Variants in AFG2B observed in about 807,000 individuals in gnomAD.
AFG2B encodes ATPase family gene 2 protein homolog B.
chr15:45,408,974 T>C, the AFG2B span, among the ~76,000 whole-genome samples: 2 of 152,326 alleles, frequency 1.3e-5, no homozygotes, highest in East Asian at 3.9e-4. Flanking sequence ...AGACGGGCGA[T>C]TTTTTTAATT....
chr15:45,410,146 CAT>C, the AFG2B span, among the ~76,000 whole-genome samples: 53 of 152,148 alleles, frequency 3.5e-4, no homozygotes, highest in African/African-American at 1.3e-3. Flanking sequence ...ACTAGCATAA[CAT>C]ACTGGAAAAA....
At chr15:45,407,288 C>A in the AFG2B span, 1 of 1,130,888 alleles carries the variant, frequency 8.8e-7, no homozygotes, top group Non-Finnish European at 1.1e-6. Context: ...TCTCCCTGTA[C>A]CAGGGCAGAT....
the AFG2B span, among the ~76,000 whole-genome samples, chr15:45,410,895 A>T: frequency 1.3e-5 from 2 of 151,468 alleles, no homozygotes; most frequent in Admixed American, 1.3e-4. Context: ...GTCGCTATTT[A>T]AAAAAAAATA....
the AFG2B span, among the ~76,000 whole-genome samples, chr15:45,419,662 A>G: frequency 6.6e-6 from 1 of 152,100 alleles, no homozygotes; most frequent in Non-Finnish European, 1.5e-5. Flanking sequence ...AGAACATTAT[A>G]AACACCCCAG....
At chr15:45,411,089 C>A in the AFG2B span, among the ~76,000 whole-genome samples, 1 of 152,030 alleles carries the variant, frequency 6.6e-6, no homozygotes, top group African/African-American at 2.4e-5. Flanking sequence ...ATAATCCCAG[C>A]TACTCGGAAG....
chr15:45,412,848 C>G, the AFG2B span, among the ~76,000 whole-genome samples: 1 of 152,154 alleles, frequency 6.6e-6, no homozygotes, highest in Non-Finnish European at 1.5e-5. Flanking sequence ...GATCCTCTCA[C>G]CTGCGTTACA....
the AFG2B span, chr15:45,417,426 T>A: frequency 6.2e-7 from 1 of 1,610,936 alleles, no homozygotes; most frequent in Middle Eastern, 1.7e-4. Context: ...TTACTCTGTG[T>A]GAGCTCAGCA....
At chr15:45,407,106 A>G in the AFG2B span, 3 of 1,289,172 alleles carry the variant, frequency 2.3e-6, no homozygotes, top group Non-Finnish European at 3.0e-6. Flanking sequence ...GCCCACTGCT[A>G]CTTCAGGAGG....
the AFG2B span, chr15:45,403,589 C>T: frequency 1.3e-6 from 2 of 1,563,702 alleles, no homozygotes; most frequent in Non-Finnish European, 8.6e-7. Context: ...TTGGCTGCCC[C>T]GGAGGCGTTT....
At chr15:45,405,892 G>C in the AFG2B span, among the ~76,000 whole-genome samples, 3 of 151,952 alleles carry the variant, frequency 2.0e-5, no homozygotes, top group African/African-American at 4.8e-5. Context: ...CCTTCTCCTA[G>C]ATTCTCCAAA....
the AFG2B span, chr15:45,414,868 G>GT: frequency 9.0e-7 from 1 of 1,109,522 alleles, no homozygotes; most frequent in South Asian, 1.6e-5. Flanking sequence ...TATTACTAGT[G>GT]TTTTTTCCAG....
At chr15:45,418,343 CAAAAAAAAAA>C in the AFG2B span, among the ~76,000 whole-genome samples, 19 of 52,560 alleles carry the variant, frequency 3.6e-4, no homozygotes, top group African/African-American at 1.2e-3. Context: ...GACTCCATCT[CAAAAAAAAAA>C]AAAAAAAAAA....
the AFG2B span, among the ~76,000 whole-genome samples, chr15:45,408,491 A>G: frequency 1.3e-5 from 2 of 152,166 alleles, no homozygotes; most frequent in Non-Finnish European, 2.9e-5. Context: ...TTTAATGTCT[A>G]TTTCCTAAGA....
At chr15:45,404,447 A>G in the AFG2B span, among the ~76,000 whole-genome samples, 1 of 152,122 alleles carries the variant, frequency 6.6e-6, no homozygotes, top group Non-Finnish European at 1.5e-5. Flanking sequence ...GTATACGTAA[A>G]GTGCACGGTA....
the AFG2B span, chr15:45,414,640 C>T: frequency 6.2e-7 from 1 of 1,614,086 alleles, no homozygotes; most frequent in Admixed American, 1.7e-5. Context: ...AAAGGGAGTT[C>T]TCCTCTATGG....
the AFG2B span, chr15:45,417,072 A>G: frequency 1.6e-5 from 9 of 548,956 alleles, no homozygotes; most frequent in Admixed American, 9.6e-5. Context: ...CCATGCACAC[A>G]AAGTAGCTCT....
the AFG2B span, chr15:45,414,616 G>A: frequency 6.2e-7 from 1 of 1,614,094 alleles, no homozygotes; most frequent in Admixed American, 1.7e-5. Context: ...TGTTAGAATG[G>A]GCCTGACACA....
the AFG2B span, chr15:45,421,132 GT>G: frequency 6.2e-7 from 1 of 1,612,936 alleles, no homozygotes; most frequent in South Asian, 1.1e-5. Flanking sequence ...CTGTAAAACC[GT>G]CGTTAAGTTG....
At chr15:45,419,514 C>T in the AFG2B span, among the ~76,000 whole-genome samples, 2 of 151,712 alleles carry the variant, frequency 1.3e-5, no homozygotes, top group African/African-American at 4.8e-5. Flanking sequence ...CACACGGGTC[C>T]TTGTAAACCA....
Sources: gnomAD v4.1 joint callset for allele counts (sites outside exome capture counted in the v4.1 genomes callset) on GRCh38, gnomAD v4.1.1 for gene constraint, MANE v1.5 for transcripts, NCBI Gene and HGNC (gene_info 2026-07-23, HGNC 2026-07-21) for gene names.